SETX: variants seen among roughly 807,000 people sequenced by gnomAD.
SETX encodes helicase senataxin.
SETX carries 90 observed loss-of-function variants against 227.2 expected under a neutral mutation model. The observed-to-expected ratio is 0.40, with a 90% confidence interval of 0.33 to 0.47. The LOEUF (loss-of-function observed/expected upper bound fraction) is 0.47. SETX is among the 20% of genes least tolerant of loss of function. SETX has a pLI of 0.91. For synonymous variants in SETX, 1,210 were observed against 1,113.2 expected (o/e 1.09, Z -1.73); for missense variants, 3,052 against 3,181.5 (o/e 0.96, Z 0.98).
intron 24 of SETX, among the ~76,000 whole-genome samples, chr9:132,270,236 T>C (rs7045098): frequency 0.51 from 65,237 of 128,064 alleles, 17,478 homozygotes; most frequent in African/African-American, 0.77. Context: ...AATGACTCAG[T>C]ATGCCCATGT....
intron 11 of SETX, among the ~76,000 whole-genome samples, chr9:132,301,462 C>T (rs1844991017): frequency 6.6e-6 from 1 of 152,068 alleles, no homozygotes. Context: ...GGAAACAGAT[C>T]CAAGTAGTTA....
intron 25 of SETX, among the ~76,000 whole-genome samples, chr9:132,267,513 G>C (rs945573206): frequency 6.6e-6 from 1 of 152,160 alleles, no homozygotes; most frequent in East Asian, 1.9e-4. Flanking sequence ...TCCCATAAGG[G>C]GAACTAGGCT....
chr9:132,333,418 C>G (rs512858), intron 7 of SETX, among the ~76,000 whole-genome samples: 1 of 54,424 alleles, frequency 1.8e-5, no homozygotes, highest in Non-Finnish European at 3.1e-5. Context: ...AATATATATA[C>G]ACACACACAC....
At position 132,290,574 on chromosome 9, in the gene SETX, C is replaced by CAAAAAAAA. The variant is rs59954158; in HGVS notation, c.6107-1931_6107-1924dup. Among the ~76,000 whole-genome samples the CAAAAAAAA allele has an allele frequency of 6.4e-3, 284 of 44,698 alleles. 18 individuals carry two copies. Among genetic ancestry groups the CAAAAAAAA allele is most frequent in the African/African-American group, 0.016 (269 of 17,242 alleles). 29.3% of individuals were successfully genotyped at this position (44,698 alleles called of 152,430 possible). On this transcript the variant is annotated intron_variant, in intron 15 of 25. Coordinates refer to ENST00000224140, the MANE Select transcript of SETX (RefSeq NM_015046.7). ...TGGGAGACAGAGCGAGACTCCGTCT[C>CAAAAAAAA]AAAAAAAAAAAAAAAAAAAAAAAAA...
At position 132,349,247 on chromosome 9, in the gene SETX, T is replaced by A. The variant is rs569799816; in HGVS notation, c.177+5A>T. The A allele has an allele frequency of 3.1e-5, 50 of 1,613,780 alleles. 1 individual carries two copies. In the South Asian group the frequency reaches 4.7e-4, roughly 15 times the overall value. Reference sequence around the variant, plus strand: ...GAAAAATATTGCCCATCTAATATATTTTACCTCATGCAAGAATGGCAATTC... The same window carrying A: ...GAAAAATATTGCCCATCTAATATATATTACCTCATGCAAGAATGGCAATTC... On this transcript the variant is annotated splice_donor_5th_base_variant and intron_variant, in intron 3 of 25. Coordinates refer to ENST00000224140, the MANE Select transcript of SETX (RefSeq NM_015046.7).
intron 18 of SETX, among the ~76,000 whole-genome samples, chr9:132,284,742 G>A (rs1843739043): frequency 6.6e-6 from 1 of 152,034 alleles, no homozygotes; most frequent in African/African-American, 2.4e-5. Context: ...ACTTTCTTTT[G>A]CCGAATTCTG....
chr9:132,342,538 C>T, intron 5 of SETX, 152 bp downstream of exon 5: 1 of 758,570 alleles, frequency 1.3e-6, no homozygotes, highest in South Asian at 1.4e-5. Context: ...TCTTTGACCC[C>T]AGAGCGCCCT....
intron 15 of SETX, among the ~76,000 whole-genome samples, chr9:132,291,203 G>GT (rs1427624778): frequency 3.0e-4 from 33 of 110,360 alleles, no homozygotes; most frequent in Admixed American, 1.2e-3. Flanking sequence ...GTCTTGCTCT[G>GT]TCTCCTAGGC....
At chr9:132,295,706 G>A (rs1844627793) in intron 15 of SETX, among the ~76,000 whole-genome samples, 166 bp downstream of exon 15, 1 of 151,848 alleles carries the variant, frequency 6.6e-6, no homozygotes, top group South Asian at 2.1e-4. Context: ...ACAGGCCCTG[G>A]CACAGGGTAA....
chr9:132,342,438 T>C (rs1848033804), intron 5 of SETX, among the ~76,000 whole-genome samples: 1 of 152,216 alleles, frequency 6.6e-6, no homozygotes, highest in Non-Finnish European at 1.5e-5. Context: ...CAATTCAACA[T>C]ACTGAAAGGA....
chr9:132,352,277 T>A (rs1564169707), intron 2 of SETX, among the ~76,000 whole-genome samples: 1 of 152,196 alleles, frequency 6.6e-6, no homozygotes, highest in Non-Finnish European at 1.5e-5. Flanking sequence ...GGACACCACT[T>A]CTACCCAATC....
intron 25 of SETX, among the ~76,000 whole-genome samples, chr9:132,267,053 CAATA>C (rs1434790867): frequency 2.0e-5 from 3 of 152,164 alleles, no homozygotes; most frequent in African/African-American, 7.2e-5. Flanking sequence ...AGAGTCCTTT[CAATA>C]AATATGAAAG....
chr9:132,269,711 TAA>T lies in SETX; in HGVS notation c.7200-11_7200-10del, dbSNP rs531485265. 1.6e-4 allele frequency: 252 copies of T among 1,613,434 alleles called. 1 individual carries two copies. The African/African-American group carries it at 2.6e-3, about 17-fold the overall frequency. On this transcript the variant is annotated splice_polypyrimidine_tract_variant and intron_variant, in intron 24 of 25. Transcript: ENST00000224140. Reference sequence around the variant, plus strand: ...GCAAACTTGCCAGGAATCTAGGCAATAAAAAAAGAGTTCCTTCTTTGTCTAGA... The same window carrying T: ...GCAAACTTGCCAGGAATCTAGGCAATAAAAAGAGTTCCTTCTTTGTCTAGA...
Position 132,296,008 on chromosome 9 carries a change from T to C in SETX, c.5970A>G (p.Ser1990=), listed in dbSNP as rs1844648216. 30 of 1,614,102 alleles carry C rather than the reference T, an allele frequency of 1.9e-5. No homozygotes were observed. Among genetic ancestry groups the C allele is most frequent in the Non-Finnish European group, 2.5e-5 (29 of 1,180,050 alleles). ...TGATTTTGGCATTGGAGTTTTCGTC[T>C]GAATGCCCCTTCCTCTGGTTCTACA... ...LLTENQRKGH[S]DENSNAKIKQ... The change falls in exon 15 of 26, where the codon TCA becomes TCG. Residue 1990 remains serine (S), a synonymous_variant. Coordinates refer to ENST00000224140, the MANE Select transcript of SETX (RefSeq NM_015046.7).
intron 25 of SETX, among the ~76,000 whole-genome samples, chr9:132,265,376 C>T (rs1842594645): frequency 3.3e-5 from 5 of 151,912 alleles, no homozygotes; most frequent in Admixed American, 3.3e-4. Context: ...CAGGCACCCG[C>T]CACCACGCCC....
At chr9:132,311,937 AAC>A (rs1845694148) in intron 10 of SETX, 81 bp from the exon 11 acceptor site, 3 of 1,093,094 alleles carry the variant, frequency 2.7e-6, no homozygotes, top group Admixed American at 1.9e-5. Context: ...AAAGTTAAGC[AAC>A]AGTAAAATCC....
chr9:132,298,168 C>T lies in SETX; in HGVS notation c.5693G>A (p.Ser1898Asn), dbSNP rs1232717742. 2 of 1,614,096 alleles carry T rather than the reference C, an allele frequency of 1.2e-6. No individual in the cohort carries two copies. The highest frequency in any genetic ancestry group is 4.5e-5 in the East Asian group (2 of 44,876). The change falls in exon 13 of 26, where the codon AGT becomes AAT. Residue 1898 changes from serine (S) to asparagine (N), a missense_variant. By Grantham distance (46) the Ser-to-Asn change is conservative (BLOSUM62 1). Around this residue, in one of 10 missense-constraint regions of SETX, gnomAD observed 239 missense variants for 272.1 expected, o/e 0.88. Transcript: ENST00000224140. The part of the protein sequence containing the change: ...RKLKAMSLLG[S>N]RNQLARAVLN... ...AACAGCTCTAGCCAGTTGGTTCCGA[C>T]TACCCAACAGAGACATGGCTTTCAA...
At chr9:132,321,736 T>C in intron 10 of SETX, among the ~76,000 whole-genome samples, 1 of 148,970 alleles carries the variant, frequency 6.7e-6, no homozygotes, top group East Asian at 2.0e-4. Flanking sequence ...TAGTCCCAGC[T>C]ACTCAGGAGG....
intron 10 of SETX, among the ~76,000 whole-genome samples, chr9:132,324,696 A>G (rs1846593742): frequency 6.6e-6 from 1 of 152,162 alleles, no homozygotes; most frequent in Non-Finnish European, 1.5e-5. Flanking sequence ...CTTGTTCACC[A>G]CTTTATCTCC....
Sources: allele counts gnomAD v4.1 joint callset (sites outside exome capture counted in the v4.1 genomes callset), GRCh38; gene constraint gnomAD v4.1.1; regional missense constraint gnomAD v4.1.1; transcripts MANE v1.5; gene names NCBI Gene and HGNC (gene_info 2026-07-23, HGNC 2026-07-21).